Variants in ZNF394 observed in about 807,000 individuals in gnomAD.
ZNF394 encodes zinc finger protein 394, also known as zinc finger protein 99.
A neutral mutation model predicts 21.8 loss-of-function variants in ZNF394; 19 were observed. The ratio of observed to expected loss-of-function variants is 0.87; its 90% CI spans 0.61 to 1.28. The LOEUF is 1.28. Among genes scored for constraint, ZNF394 ranks in the 50% most tolerant of loss-of-function variants. The pLI, the probability that ZNF394 is intolerant of heterozygous loss-of-function variation, is 0.00. For synonymous variants in ZNF394, 294 were observed against 273.3 expected (o/e 1.08, Z -0.75); for missense variants, 683 against 708.6 (o/e 0.96, Z 0.41).
At chr7:99,496,250 AAG>A (rs1800305275) in intron 2 of ZNF394, among the ~76,000 whole-genome samples, 1 of 151,960 alleles carries the variant, frequency 6.6e-6, no homozygotes, top group Admixed American at 6.6e-5. Context: ...TCCTGACCTC[AAG>A]TGATTCACCT....
At chr7:99,499,552 TAAGG>T (rs1267133176) in intron 1 of ZNF394, 82 bp downstream of exon 1, 11 of 1,241,550 alleles carry the variant, frequency 8.9e-6, no homozygotes, top group Admixed American at 2.3e-5. Flanking sequence ...CGAAATGTAA[TAAGG>T]AAGTAAGTTC....
In ZNF394 at chr7:99,497,116, G is replaced by A. The variant is rs56364960; in HGVS notation, c.583+1600C>T. ...TGTGTGTGTGTGTGTGTGTGTGTGTGTGTGTGTATATATATATATATATAT... is the reference window on the plus strand; with the variant it reads ...TGTGTGTGTGTGTGTGTGTGTGTGTATGTGTGTATATATATATATATATAT... On this transcript the variant is annotated intron_variant, in intron 2 of 2. Transcript: ENST00000337673. Among the ~76,000 whole-genome samples, 359 of 111,160 alleles carry A rather than the reference G, an allele frequency of 3.2e-3. 7 individuals are homozygous for A. The highest frequency in any genetic ancestry group is 0.016 in the African/African-American group (328 of 20,854). The allele number at this position is 111,160 out of a possible 152,430, so 72.9% of individuals were successfully genotyped here.
intron 2 of ZNF394, chr7:99,497,938 C>T (rs935007739): frequency 3.5e-5 from 5 of 144,570 alleles, no homozygotes; most frequent in Non-Finnish European, 5.9e-5. Flanking sequence ...AATGTGGTCT[C>T]TCCCTGTCTT....
chr7:99,491,856 T>C (rs1800168250), downstream of ZNF394, among the ~76,000 whole-genome samples: 1 of 148,192 alleles, frequency 6.7e-6, no homozygotes, highest in Non-Finnish European at 1.5e-5. Context: ...GGGCGGATCA[T>C]GAGGTCAGGA....
intron 1 of ZNF394, among the ~76,000 whole-genome samples, chr7:99,499,202 C>T (rs1800437951): frequency 1.3e-5 from 2 of 151,538 alleles, no homozygotes; most frequent in African/African-American, 4.9e-5. Flanking sequence ...ACAGTGAAAC[C>T]CCGTCTCTAC....
chr7:99,498,375 T>G (rs1584147993), intron 2 of ZNF394: 1 of 220,420 alleles, frequency 4.5e-6, no homozygotes. Context: ...AGGGGAAGGG[T>G]TTCAGGGAGG....
intron 2 of ZNF394, 137 bp downstream of exon 2, chr7:99,498,579 G>T (rs544014949): frequency 8.2e-7 from 1 of 1,226,506 alleles, no homozygotes; most frequent in Non-Finnish European, 1.1e-6. Context: ...CAGTACAGAG[G>T]CTCCTGCTTG....
Position 99,500,223 on chromosome 7 carries a change from CCA to C in ZNF394, c.-132_-131del. 2 of 805,136 alleles carry C rather than the reference CCA, an allele frequency of 2.5e-6. No individual in the cohort carries two copies. Among genetic ancestry groups the C allele is most frequent in the Non-Finnish European group, 3.7e-6 (2 of 534,004 alleles). 49.9% of individuals were successfully genotyped at this position (805,136 alleles called of 1,614,324 possible). On this transcript the variant is annotated 5_prime_UTR_variant, in exon 1 of 3. Coordinates refer to ENST00000337673, the MANE Select transcript of ZNF394 (RefSeq NM_032164.4). ...GGGCCCCACCACACCAGGCCCCTCT[CCA>C]CACTCTCCTTTCCTCAGCTTTGCGC...
intron 1 of ZNF394, chr7:99,487,147 C>A: frequency 6.2e-7 from 1 of 1,614,120 alleles, no homozygotes; most frequent in Non-Finnish European, 8.5e-7. Flanking sequence ...AGAAAAACGC[C>A]ATAAATGCCT....
intron 2 of ZNF394, among the ~76,000 whole-genome samples, chr7:99,496,094 G>A (rs910413250): frequency 2.6e-5 from 4 of 152,034 alleles, no homozygotes; most frequent in African/African-American, 7.3e-5. Context: ...GCTAATTTTT[G>A]TATTTTTAGT....
At chr7:99,498,617 A>G in intron 2 of ZNF394, 99 bp downstream of exon 2, 1 of 1,552,082 alleles carries the variant, frequency 6.4e-7, no homozygotes. Flanking sequence ...GAAGGCTCTC[A>G]GCCCAAGTCT....
At chr7:99,487,687 C>G (rs11762909) in intron 1 of ZNF394, 2 of 572,682 alleles carry the variant, frequency 3.5e-6, no homozygotes, top group South Asian at 2.7e-5. Flanking sequence ...GATCCCATCT[C>G]TACAAAAAAT....
intron 2 of ZNF394, among the ~76,000 whole-genome samples, chr7:99,497,120 G>GTATATATATA (rs1479965665): frequency 6.6e-5 from 6 of 91,364 alleles, no homozygotes; most frequent in African/African-American, 2.3e-4. Context: ...GTGTGTGTGT[G>GTATATATATA]TGTATATATA....
At chr7:99,496,796 T>C (rs1360070860) in intron 2 of ZNF394, among the ~76,000 whole-genome samples, 3 of 151,542 alleles carry the variant, frequency 2.0e-5, no homozygotes, top group Admixed American at 6.6e-5. Flanking sequence ...GGTCTTGAGC[T>C]CCTGACCTCA....
Position 99,494,393 on chromosome 7 carries a change from A to G in ZNF394, c.822T>C (p.Gly274=). Residue 274 remains glycine, a synonymous_variant, in exon 3 of 3, where the codon GGT becomes GGC. Coordinates refer to ENST00000337673, the MANE Select transcript of ZNF394 (RefSeq NM_032164.4). The part of the protein sequence containing the change: ...LNSISDVNKN[G]SIEGEDSKNN... ...TTTTAGAGTCTTCCCCTTCTATGGA[A>G]CCATTCTTATTGACATCTGAGATGC... 6.2e-7 allele frequency: 1 copy of G among 1,614,112 alleles called. No individual in the cohort carries two copies. Among genetic ancestry groups the G allele is most frequent in the African/African-American group, 1.3e-5 (1 of 75,018 alleles).
intron 2 of ZNF394, 53 bp downstream of exon 2, chr7:99,498,663 C>T: frequency 6.2e-7 from 1 of 1,610,516 alleles, no homozygotes; most frequent in South Asian, 1.1e-5. Flanking sequence ...GGTAGTGAAC[C>T]AGCCCTTCAC....
downstream of ZNF394, among the ~76,000 whole-genome samples, chr7:99,491,444 A>G (rs1800157953): frequency 6.6e-6 from 1 of 152,122 alleles, no homozygotes; most frequent in African/African-American, 2.4e-5. Flanking sequence ...TTCCTTAGTG[A>G]TGCATGTCTT....
At chr7:99,489,398 G>C (rs561640504), downstream of ZNF394, among the ~76,000 whole-genome samples, 1 of 152,236 alleles carries the variant, frequency 6.6e-6, no homozygotes, top group South Asian at 2.1e-4. Flanking sequence ...GACTGTGTCT[G>C]CACCTTGTGG....
At chr7:99,496,858 C>G (rs979837583) in intron 2 of ZNF394, among the ~76,000 whole-genome samples, 5 of 151,658 alleles carry the variant, frequency 3.3e-5, no homozygotes, top group African/African-American at 1.2e-4. Flanking sequence ...AGGTGTGAGC[C>G]ACCGTACCCA....
Sources: allele counts gnomAD v4.1 joint callset (sites outside exome capture counted in the v4.1 genomes callset), GRCh38; gene constraint gnomAD v4.1.1; transcripts MANE v1.5; gene names NCBI Gene and HGNC (gene_info 2026-07-23, HGNC 2026-07-21).